The following ACTR3C variants were observed in gnomAD, a reference collection of about 807,000 sequenced individuals.
ACTR3C encodes the protein actin-related protein 3C.
A neutral mutation model predicts 26.3 loss-of-function variants in ACTR3C; 18 were observed. That is an observed-to-expected ratio of 0.68 (90% CI 0.47 to 1.01). ACTR3C has a LOEUF of 1.01. Among genes scored for constraint, ACTR3C ranks in the 50% least tolerant of loss-of-function variants. The probability of loss-of-function intolerance (pLI) is 0.00; values close to 1 mark genes in which losing one functional copy is unlikely to be tolerated. For missense variants in ACTR3C, 184 were observed against 250.7 expected (o/e 0.73, Z 1.80); for synonymous variants, 55 against 94.5 (o/e 0.58, Z 2.42).
At chr7:149,945,045 C>G in the ACTR3C span, among the ~76,000 whole-genome samples, 1 of 151,856 alleles carries the variant, frequency 6.6e-6, no homozygotes, top group African/African-American at 2.4e-5. Flanking sequence ...CCTGCCTCCT[C>G]AGCCCCAGGG....
At chr7:149,922,503 C>T in the ACTR3C span, among the ~76,000 whole-genome samples, 3,287 of 149,754 alleles carry the variant, frequency 0.022, 55 homozygotes, top group Middle Eastern at 0.038. Flanking sequence ...TCTGCTGTAA[C>T]GACTGTGAGT....
chr7:150,036,959 G>T, the ACTR3C span, among the ~76,000 whole-genome samples: 15 of 76,972 alleles, frequency 1.9e-4, 2 homozygotes, highest in Non-Finnish European at 3.1e-4. Context: ...GGAACCAGGG[G>T]CTGGCTCTCA....
the ACTR3C span, among the ~76,000 whole-genome samples, chr7:149,918,460 G>T: frequency 6.6e-6 from 1 of 152,378 alleles, no homozygotes; most frequent in Admixed American, 6.5e-5. Context: ...GGAGGCCGAG[G>T]CAGGCGGATC....
the ACTR3C span, among the ~76,000 whole-genome samples, chr7:149,935,513 C>T: frequency 2.0e-5 from 3 of 149,972 alleles, no homozygotes; most frequent in Admixed American, 6.7e-5. Flanking sequence ...GCGATTCTCC[C>T]GCCTCAGCCT....
At chr7:150,068,693 G>A in the ACTR3C span, among the ~76,000 whole-genome samples, 1 of 142,362 alleles carries the variant, frequency 7.0e-6, no homozygotes, top group Non-Finnish European at 1.5e-5. Context: ...TGAGGCAGGA[G>A]AATGGCATGA....
chr7:150,018,731 A>G, the ACTR3C span, among the ~76,000 whole-genome samples: 1 of 150,222 alleles, frequency 6.7e-6, no homozygotes, highest in African/African-American at 2.5e-5. Flanking sequence ...TGCTTTGTTG[A>G]GCTCTAACAA....
At chr7:150,178,311 T>C in the ACTR3C span, among the ~76,000 whole-genome samples, 1 of 147,752 alleles carries the variant, frequency 6.8e-6, no homozygotes, top group Non-Finnish European at 1.5e-5. Flanking sequence ...AGACAGAGTT[T>C]CGCTCTTGTT....
rs182097315 is a variant in ACTR3C at position 150,249,620 on chromosome 7, A to C, written c.565-566T>G. The stretch of plus-strand genomic sequence containing the variant: ...AGGCGCCGGACACAACACCCAGCTA[A>C]TTTTCTGTGTTTTTAGTAGAGATGG... On this transcript the variant is annotated intron_variant, in intron 6 of 7. Coordinates refer to ENST00000683684, the MANE Select transcript of ACTR3C (RefSeq NM_001164458.2). Among the ~76,000 whole-genome samples, 937 of 151,756 alleles carry C rather than the reference A, an allele frequency of 6.2e-3. 7 individuals are homozygous for C. The highest frequency in any genetic ancestry group is 9.4e-3 in the Non-Finnish European group (636 of 67,898).
At chr7:150,265,504 G>A (rs1162457478) in intron 6 of ACTR3C, among the ~76,000 whole-genome samples, 3 of 152,046 alleles carry the variant, frequency 2.0e-5, no homozygotes, top group Non-Finnish European at 4.4e-5. Context: ...GACCAGCCTG[G>A]CCAACATGGT....
At chr7:150,253,066 A>G (rs1326389032) in intron 6 of ACTR3C, among the ~76,000 whole-genome samples, 1 of 152,070 alleles carries the variant, frequency 6.6e-6, no homozygotes, top group Non-Finnish European at 1.5e-5. Flanking sequence ...TGCTTACAGG[A>G]TATCACGCTG....
At chr7:149,941,552 T>A in the ACTR3C span, among the ~76,000 whole-genome samples, 30 of 152,332 alleles carry the variant, frequency 2.0e-4, 1 homozygote, top group African/African-American at 7.2e-4. Context: ...TGACTATTTC[T>A]CTGAAGAACT....
chr7:150,190,492 A>G, the ACTR3C span, among the ~76,000 whole-genome samples: 4 of 152,212 alleles, frequency 2.6e-5, no homozygotes, highest in African/African-American at 4.8e-5. Context: ...AGAAATTTTC[A>G]TAGATTAAAT....
chr7:150,048,972 T>C, the ACTR3C span, among the ~76,000 whole-genome samples: 1 of 152,184 alleles, frequency 6.6e-6, no homozygotes, highest in East Asian at 2.0e-4. Flanking sequence ...CGTGACTCCA[T>C]TCTCATTATC....
At chr7:150,134,232 T>TAAA in the ACTR3C span, among the ~76,000 whole-genome samples, 3,824 of 114,646 alleles carry the variant, frequency 0.033, no homozygotes, top group East Asian at 0.048. Context: ...CTATATGCAG[T>TAAA]AAAAAAAAAA....
chr7:150,039,076 T>G, the ACTR3C span, among the ~76,000 whole-genome samples: 1 of 145,440 alleles, frequency 6.9e-6, no homozygotes, highest in Non-Finnish European at 1.5e-5. Context: ...AACTTTCTAC[T>G]TGGACTACTA....
the ACTR3C span, among the ~76,000 whole-genome samples, chr7:150,033,690 A>AC: frequency 7.3e-5 from 9 of 123,638 alleles, 1 homozygote; most frequent in African/African-American, 1.2e-4. Flanking sequence ...TGCCTCCCCC[A>AC]CTTGCGATGG....
chr7:150,162,474 C>T, the ACTR3C span, among the ~76,000 whole-genome samples: 4 of 152,176 alleles, frequency 2.6e-5, no homozygotes, highest in Non-Finnish European at 5.9e-5. Context: ...TACAGGCACC[C>T]ACCACTACGC....
At chr7:149,925,606 T>C in the ACTR3C span, among the ~76,000 whole-genome samples, 2 of 152,254 alleles carry the variant, frequency 1.3e-5, no homozygotes, top group South Asian at 2.1e-4. Flanking sequence ...TCTCCAGTCA[T>C]TGGGTTTTTT....
chr7:150,030,356 T>C, the ACTR3C span, among the ~76,000 whole-genome samples: 1 of 150,334 alleles, frequency 6.7e-6, no homozygotes, highest in African/African-American at 2.5e-5. Flanking sequence ...AACAGCCATA[T>C]GGGGCAAGTG....
Sources: allele counts gnomAD v4.1 joint callset (sites outside exome capture counted in the v4.1 genomes callset), GRCh38; gene constraint gnomAD v4.1.1; transcripts MANE v1.5; gene names NCBI Gene and HGNC (gene_info 2026-07-23, HGNC 2026-07-21).